GRIN2B: variants seen among roughly 807,000 people sequenced by gnomAD.
GRIN2B encodes glutamate receptor ionotropic, NMDA 2B.
GRIN2B carries 5 observed loss-of-function variants against 114.5 expected under a neutral mutation model. That is an observed-to-expected ratio of 0.04 (90% confidence interval 0.02 to 0.09). The LOEUF (loss-of-function observed/expected upper bound fraction) is 0.09. Ranked by LOEUF, GRIN2B falls within the 10% of genes least tolerant of loss-of-function variation. The probability of loss-of-function intolerance (pLI) is 1.00; values close to 1 mark genes in which losing one functional copy is unlikely to be tolerated. For synonymous variants in GRIN2B, 787 were observed against 745.1 expected (o/e 1.06, Z -0.92); for missense variants, 1,108 against 1,943.5 (o/e 0.57, Z 8.08).
intron 3 of GRIN2B, among the ~76,000 whole-genome samples, chr12:13,836,207 C>A (rs2136709112): frequency 6.6e-6 from 1 of 152,312 alleles, no homozygotes; most frequent in South Asian, 2.1e-4. Context: ...CACAGCAAAC[C>A]TGCCTGCCAT....
intron 4 of GRIN2B, among the ~76,000 whole-genome samples, chr12:13,731,179 C>A (rs576832936): frequency 3.9e-5 from 6 of 152,308 alleles, no homozygotes; most frequent in African/African-American, 1.2e-4. Context: ...ACGTTCCAGA[C>A]TGCATAGCTG....
chr12:13,686,196 A>G (rs1177239401), intron 4 of GRIN2B, among the ~76,000 whole-genome samples: 2 of 152,194 alleles, frequency 1.3e-5, no homozygotes, highest in Non-Finnish European at 1.5e-5. Flanking sequence ...GTTGGGGAAG[A>G]TCAAATTTAT....
In GRIN2B at chr12:13,542,579, C is replaced by T. The variant is rs546603950; in HGVS notation, c.*20204G>A. On this transcript the variant is annotated 3_prime_UTR_variant, in exon 14 of 14. Transcript: ENST00000609686. ...GCACTTGCAGCATCACCACCTCAATCTGACATAGAGACAATTAGGGCCAAC... is the reference window on the plus strand; with the variant it reads ...GCACTTGCAGCATCACCACCTCAATTTGACATAGAGACAATTAGGGCCAAC... 6.6e-6 allele frequency: 1 copy of T among 152,340 alleles called. No homozygotes were observed. The highest frequency in any genetic ancestry group is 1.9e-4 in the East Asian group (1 of 5,188). The allele number at this position is 152,340 out of a possible 1,614,324, so 9.4% of individuals were successfully genotyped here.
At chr12:13,867,729 G>A (rs1468364182) in intron 2 of GRIN2B, among the ~76,000 whole-genome samples, 1 of 152,018 alleles carries the variant, frequency 6.6e-6, no homozygotes, top group Non-Finnish European at 1.5e-5. Flanking sequence ...CAAGGTCAAT[G>A]GCATTATAAC....
intron 4 of GRIN2B, among the ~76,000 whole-genome samples, chr12:13,697,962 T>C (rs939869730): frequency 1.3e-5 from 2 of 152,202 alleles, no homozygotes; most frequent in African/African-American, 4.8e-5. Context: ...ACATGTAGAA[T>C]GATAAATAGA....
chr12:13,773,171 A>C (rs1242581948), intron 3 of GRIN2B, among the ~76,000 whole-genome samples: 1 of 152,226 alleles, frequency 6.6e-6, no homozygotes, highest in East Asian at 1.9e-4. Flanking sequence ...CTACCCATCC[A>C]GCAATAAAGG....
At chr12:13,871,277 T>C (rs1185384101) in intron 2 of GRIN2B, among the ~76,000 whole-genome samples, 1 of 151,644 alleles carries the variant, frequency 6.6e-6, no homozygotes, top group African/African-American at 2.4e-5. Flanking sequence ...AATACATCAA[T>C]AGATTAAAAA....
At chr12:13,850,436 T>G (rs2073779552) in intron 3 of GRIN2B, among the ~76,000 whole-genome samples, 1 of 152,194 alleles carries the variant, frequency 6.6e-6, no homozygotes, top group South Asian at 2.1e-4. Flanking sequence ...TCAGGTTCAC[T>G]CTCAACCAGA....
intron 3 of GRIN2B, among the ~76,000 whole-genome samples, chr12:13,863,930 T>C (rs1377122600): frequency 6.6e-6 from 1 of 152,222 alleles, no homozygotes; most frequent in South Asian, 2.1e-4. Flanking sequence ...CAGAATTCTT[T>C]CAAAGCAAAA....
chr12:13,818,736 C>T (rs1377187065), intron 3 of GRIN2B, among the ~76,000 whole-genome samples: 2 of 152,196 alleles, frequency 1.3e-5, no homozygotes, highest in African/African-American at 4.8e-5. Context: ...AAAGACAGAA[C>T]CATCATGACA....
At chr12:13,876,827 T>A (rs1351986937) in intron 2 of GRIN2B, among the ~76,000 whole-genome samples, 1 of 151,728 alleles carries the variant, frequency 6.6e-6, no homozygotes, top group African/African-American at 2.4e-5. Flanking sequence ...TATTTATCTA[T>A]CTCCAGTACT....
At chr12:13,805,330 T>C (rs1265015723) in intron 3 of GRIN2B, among the ~76,000 whole-genome samples, 1 of 152,140 alleles carries the variant, frequency 6.6e-6, no homozygotes, top group Admixed American at 6.6e-5. Context: ...AAACCAGAGT[T>C]CATGGATCCG....
chr12:13,797,695 T>A (rs1376088406), intron 3 of GRIN2B, among the ~76,000 whole-genome samples: 1 of 152,252 alleles, frequency 6.6e-6, no homozygotes, highest in Non-Finnish European at 1.5e-5. Context: ...AAGAGTTTCA[T>A]GATCTATGAG....
intron 9 of GRIN2B, 24 bp from the exon 10 acceptor site, chr12:13,608,856 C>T (rs199524047): frequency 2.0e-5 from 32 of 1,565,268 alleles, no homozygotes; most frequent in African/African-American, 4.1e-5. Flanking sequence ...AAGACAAGGA[C>T]GAAAGTTAAG....
chr12:13,945,595 A>G (rs896513226), intron 2 of GRIN2B, among the ~76,000 whole-genome samples: 1 of 152,168 alleles, frequency 6.6e-6, no homozygotes, highest in Admixed American at 6.5e-5. Context: ...TAGCCTTTTC[A>G]TAGAGCACAG....
In GRIN2B at chr12:13,558,106, G is replaced by A. The variant is rs999862431; in HGVS notation, c.*4677C>T. 2 of 152,198 alleles carry A rather than the reference G, an allele frequency of 1.3e-5. No individual in the cohort carries two copies. Among genetic ancestry groups the A allele is most frequent in the Non-Finnish European group, 2.9e-5 (2 of 68,060 alleles). The allele number at this position is 152,198 out of a possible 1,614,324, so 9.4% of individuals were successfully genotyped here. On this transcript the variant is annotated 3_prime_UTR_variant, in exon 14 of 14. Coordinates refer to ENST00000609686, the MANE Select transcript of GRIN2B (RefSeq NM_000834.5). ...TCCTCCATGAAGAGCTCCTTAAACA[G>A]GAGGAAAAGTCTCTGACACCCAAGT...
chr12:13,786,854 G>T (rs1483154302), intron 3 of GRIN2B, among the ~76,000 whole-genome samples: 1 of 152,100 alleles, frequency 6.6e-6, no homozygotes, highest in African/African-American at 2.4e-5. Context: ...CGCTGCAGGT[G>T]GGGGCTGGGA....
intron 4 of GRIN2B, among the ~76,000 whole-genome samples, chr12:13,734,003 TA>T (rs1217248409): frequency 2.6e-5 from 4 of 152,174 alleles, no homozygotes; most frequent in Admixed American, 2.0e-4. Flanking sequence ...TTCTTGCCAC[TA>T]TACCATACAG....
chr12:13,714,715 T>C (rs1376372164), intron 4 of GRIN2B, among the ~76,000 whole-genome samples: 1 of 151,920 alleles, frequency 6.6e-6, no homozygotes, highest in Non-Finnish European at 1.5e-5. Flanking sequence ...AGAATATATT[T>C]TATAATACAA....
Sources: allele counts gnomAD v4.1 joint callset (sites outside exome capture counted in the v4.1 genomes callset), GRCh38; gene constraint gnomAD v4.1.1; transcripts MANE v1.5; gene names NCBI Gene and HGNC (gene_info 2026-07-23, HGNC 2026-07-21).